The following TRIM49 variants were observed in gnomAD, a reference collection of about 807,000 sequenced individuals.
TRIM49 encodes tripartite motif-containing protein 49.
Under a neutral mutation model 27.4 loss-of-function variants are expected in TRIM49, and 5 were observed. The ratio of observed to expected loss-of-function variants is 0.18; its 90% CI spans 0.10 to 0.38. The LOEUF is 0.38. Ranked by LOEUF, TRIM49 falls within the 10% of genes least tolerant of loss-of-function variation. The probability of loss-of-function intolerance (pLI) is 1.00; values close to 1 mark genes in which losing one functional copy is unlikely to be tolerated. For synonymous variants in TRIM49, 69 were observed against 166.0 expected, an observed-to-expected ratio of 0.42 and a Z score of 4.49; for missense variants, 188 against 487.5, an observed-to-expected ratio of 0.39 and a Z score of 5.79.
At chr11:89,790,120 G>T in the TRIM49 span, among the ~76,000 whole-genome samples, 1 of 132,456 alleles carries the variant, frequency 7.5e-6, no homozygotes, top group Admixed American at 7.7e-5. Flanking sequence ...TCCTGCGTCT[G>T]GTTCAGAGGG....
chr11:89,785,944 G>T, the TRIM49 span: 1 of 141,230 alleles, frequency 7.1e-6, no homozygotes, highest in Non-Finnish European at 1.5e-5. Flanking sequence ...CACGCCTCCG[G>T]CATGGTGCTG....
the TRIM49 span, among the ~76,000 whole-genome samples, chr11:89,770,940 C>G: frequency 1.6e-5 from 2 of 127,908 alleles, 1 homozygote; most frequent in Non-Finnish European, 3.1e-5. Context: ...CTGTATTTTT[C>G]TCTAAAGCAC....
chr11:89,793,767 A>G (rs1158025343), downstream of TRIM49, among the ~76,000 whole-genome samples: 1 of 151,976 alleles, frequency 6.6e-6, no homozygotes, highest in Non-Finnish European at 1.5e-5. Context: ...ACAATCCCAC[A>G]GCCAATAAAT....
chr11:89,770,634 C>T, the TRIM49 span, among the ~76,000 whole-genome samples: 12 of 141,276 alleles, frequency 8.5e-5, 1 homozygote, highest in Non-Finnish European at 1.3e-4. Flanking sequence ...TCGAGGTGGG[C>T]GGATCACGAC....
chr11:89,796,114 T>C (rs1279335539), downstream of TRIM49, among the ~76,000 whole-genome samples: 1 of 151,942 alleles, frequency 6.6e-6, no homozygotes, highest in Non-Finnish European at 1.5e-5. Flanking sequence ...CAAGGCACTT[T>C]TGTCTGGTCT....
At chr11:89,801,102 C>T in intron 5 of TRIM49, 114 bp from the exon 6 acceptor site, 5 of 1,479,776 alleles carry the variant, frequency 3.4e-6, no homozygotes, top group East Asian at 2.4e-5. Context: ...CTACCATCTT[C>T]TCTTCTGGAA....
At chr11:89,796,097 T>TA (rs1250994027), downstream of TRIM49, among the ~76,000 whole-genome samples, 1 of 151,880 alleles carries the variant, frequency 6.6e-6, no homozygotes, top group Non-Finnish European at 1.5e-5. Context: ...ACTTTAAACT[T>TA]ACTTCCCAAG....
rs1468925945 is a variant in TRIM49 at position 89,806,270 on chromosome 11, G to T, written c.-5+829C>A. On this transcript the variant is annotated intron_variant, in intron 2 of 7. Coordinates refer to ENST00000329758, the MANE Select transcript of TRIM49 (RefSeq NM_020358.2). Reference sequence around the variant, plus strand: ...ATAATCTTATGGGACCCCCATATGTGGTTTGTGGCTGACTCAAATGGCCCA... The same window carrying T: ...ATAATCTTATGGGACCCCCATATGTTGTTTGTGGCTGACTCAAATGGCCCA... Among the ~76,000 whole-genome samples, 5 of 150,962 alleles carry T rather than the reference G, an allele frequency of 3.3e-5. 1 individual carries two copies. Among genetic ancestry groups the T allele is most frequent in the African/African-American group, 1.2e-4 (5 of 40,480 alleles).
chr11:89,778,202 G>A, the TRIM49 span, among the ~76,000 whole-genome samples: 158 of 150,378 alleles, frequency 1.1e-3, no homozygotes, highest in African/African-American at 3.7e-3. Context: ...TAATTCTAGT[G>A]TATTGGATAA....
At chr11:89,774,182 A>G in the TRIM49 span, among the ~76,000 whole-genome samples, 4 of 150,514 alleles carry the variant, frequency 2.7e-5, 1 homozygote, top group East Asian at 2.0e-4. Flanking sequence ...TTGTATTTTT[A>G]GTACAGATGG....
intron 2 of TRIM49, among the ~76,000 whole-genome samples, chr11:89,805,157 G>T (rs1204226942): frequency 6.6e-6 from 1 of 151,596 alleles, no homozygotes; most frequent in African/African-American, 2.4e-5. Flanking sequence ...AATTATTAAA[G>T]ATATTGGGTC....
chr11:89,785,759 T>C, the TRIM49 span, among the ~76,000 whole-genome samples: 7 of 144,290 alleles, frequency 4.9e-5, 2 homozygotes, highest in African/African-American at 1.9e-4. Flanking sequence ...AATCCGAAAG[T>C]GATTTTATCA....
At chr11:89,807,663 C>A (rs71255073) in intron 1 of TRIM49, among the ~76,000 whole-genome samples, 72 of 148,874 alleles carry the variant, frequency 4.8e-4, no homozygotes, top group African/African-American at 1.4e-3. Context: ...CAAGTAGCTA[C>A]GACTTTAGGC....
the TRIM49 span, chr11:89,786,470 A>T: frequency 6.5e-6 from 1 of 152,796 alleles, no homozygotes; most frequent in Admixed American, 6.7e-5. Flanking sequence ...TTCCTGCGTC[A>T]GCATCACCTG....
chr11:89,769,457 A>G, the TRIM49 span, among the ~76,000 whole-genome samples: 1,610 of 136,670 alleles, frequency 0.012, 366 homozygotes, highest in African/African-American at 0.052. Flanking sequence ...CCTAGTTACC[A>G]GTAGCTCTAG....
the TRIM49 span, among the ~76,000 whole-genome samples, chr11:89,773,845 G>A: frequency 7.4e-6 from 1 of 135,292 alleles, no homozygotes; most frequent in Non-Finnish European, 1.5e-5. Flanking sequence ...GCTGGGGCAG[G>A]AGAATCACTT....
chr11:89,805,479 A>T (rs1453468925), intron 2 of TRIM49, among the ~76,000 whole-genome samples: 2 of 151,764 alleles, frequency 1.3e-5, no homozygotes, highest in East Asian at 1.9e-4. Context: ...AGAAAAAGGC[A>T]GAAAAAAGGC....
the TRIM49 span, among the ~76,000 whole-genome samples, chr11:89,773,653 A>T: frequency 7.3e-6 from 1 of 137,110 alleles, no homozygotes; most frequent in African/African-American, 3.3e-5. Context: ...TAAAGTTAGC[A>T]TGTGGCCCGG....
the TRIM49 span, among the ~76,000 whole-genome samples, chr11:89,783,578 A>G: frequency 2.4e-5 from 3 of 127,572 alleles, no homozygotes; most frequent in Non-Finnish European, 4.9e-5. Context: ...ATGATGGGGT[A>G]GAGGAGCAGG....
Sources: gnomAD v4.1 joint callset for allele counts (sites outside exome capture counted in the v4.1 genomes callset) on GRCh38, gnomAD v4.1.1 for gene constraint, MANE v1.5 for transcripts, NCBI Gene and HGNC (gene_info 2026-07-23, HGNC 2026-07-21) for gene names.